The following ASAP3 variants were observed in gnomAD, a reference collection of about 807,000 sequenced individuals.
ASAP3 encodes ArfGAP with SH3 domain, ankyrin repeat and PH domain 3.
ASAP3 carries 85 observed loss-of-function variants against 118.2 expected under a neutral mutation model. That is an observed-to-expected ratio of 0.72 (90% CI 0.60 to 0.86). The LOEUF is 0.86. Among genes scored for constraint, ASAP3 ranks in the 40% least tolerant of loss-of-function variants. The pLI is 0.00. For missense variants in ASAP3, 1,026 were observed against 1,175.0 expected, an observed-to-expected ratio of 0.87 and a Z score of 1.85; for synonymous variants, 432 against 477.4, an observed-to-expected ratio of 0.90 and a Z score of 1.24.
intron 1 of ASAP3, among the ~76,000 whole-genome samples, chr1:23,473,554 T>G (rs953926870): frequency 3.3e-5 from 5 of 152,212 alleles, no homozygotes; most frequent in African/African-American, 1.2e-4. Context: ...GAGAATGATA[T>G]GATCAAATTG....
At chr1:23,475,754 T>G (rs980683095) in intron 1 of ASAP3, among the ~76,000 whole-genome samples, 1 of 152,178 alleles carries the variant, frequency 6.6e-6, no homozygotes, top group African/African-American at 2.4e-5. Flanking sequence ...GAGGATCACT[T>G]AAGCCCAAGA....
intron 17 of ASAP3, among the ~76,000 whole-genome samples, chr1:23,435,216 TG>T (rs370671226): frequency 7.9e-4 from 121 of 152,236 alleles, no homozygotes; most frequent in African/African-American, 2.8e-3. Context: ...GTTGTAGAGA[TG>T]GGGGTTTCCT....
chr1:23,430,597 C>A (rs559275473), intron 24 of ASAP3, among the ~76,000 whole-genome samples: 2 of 152,198 alleles, frequency 1.3e-5, no homozygotes, highest in Non-Finnish European at 2.9e-5. Flanking sequence ...AATCCTGCCT[C>A]TTCTGCAGGG....
chr1:23,452,805 G>A (rs779734788), intron 3 of ASAP3, 34 bp from the exon 4 acceptor site: 1 of 1,605,176 alleles, frequency 6.2e-7, no homozygotes, highest in Non-Finnish European at 8.5e-7. Context: ...TCCCGCCTCA[G>A]GTGACCGGCA....
In ASAP3 at chr1:23,484,116, G is replaced by A. The variant is rs1162175549; in HGVS notation, c.18C>T (p.Ser6=). 1.5e-6 allele frequency: 2 copies of A among 1,318,250 alleles called. No homozygotes were observed. Among genetic ancestry groups the A allele is most frequent in the Admixed American group, 3.8e-5 (1 of 26,328 alleles). 81.7% of individuals were successfully genotyped at this position (1,318,250 alleles called of 1,614,324 possible). The stretch of plus-strand genomic sequence containing the variant: ...CGGTGACGGCCAGGAACTCGGCGAC[G>A]CTGAACTGCTCCGGCATGGCGGGCG... The part of the protein sequence containing the change: MPEQF[S]VAEFLAVTAE... Residue 6 remains serine (S), a synonymous_variant, in exon 1 of 25, where the codon AGC becomes AGT. Coordinates refer to ENST00000336689, the MANE Select transcript of ASAP3 (RefSeq NM_017707.4).
intron 1 of ASAP3, among the ~76,000 whole-genome samples, chr1:23,477,945 A>T: frequency 6.6e-6 from 1 of 152,178 alleles, no homozygotes; most frequent in East Asian, 1.9e-4. Flanking sequence ...CAGGGCAGGG[A>T]CTGCATCTCT....
chr1:23,453,894 C>G (rs1641301350), intron 3 of ASAP3, among the ~76,000 whole-genome samples: 1 of 152,220 alleles, frequency 6.6e-6, no homozygotes, highest in Admixed American at 6.5e-5. Flanking sequence ...CAGTCTGACA[C>G]TTTCCTGTGT....
At chr1:23,471,540 C>T (rs1012784405) in intron 1 of ASAP3, among the ~76,000 whole-genome samples, 1 of 152,284 alleles carries the variant, frequency 6.6e-6, no homozygotes, top group East Asian at 1.9e-4. Context: ...TGAATACATA[C>T]TAGCAAGGCC....
At chr1:23,476,744 C>T (rs1642140388) in intron 1 of ASAP3, among the ~76,000 whole-genome samples, 2 of 152,230 alleles carry the variant, frequency 1.3e-5, no homozygotes, top group African/African-American at 4.8e-5. Flanking sequence ...AGTGCTTTTG[C>T]CCCTTGGGCC....
chr1:23,468,761 G>C (rs1403766392), intron 1 of ASAP3, among the ~76,000 whole-genome samples: 1 of 150,416 alleles, frequency 6.6e-6, no homozygotes, highest in Admixed American at 6.7e-5. Flanking sequence ...TGTAGTCCCA[G>C]CTACTTGGGA....
At position 23,432,804 on chromosome 1, in the gene ASAP3, C is replaced by T. The variant is rs186179158; in HGVS notation, c.2323+273G>A. Among the ~76,000 whole-genome samples the T allele has an allele frequency of 3.9e-5, 6 of 152,304 alleles. No homozygotes were observed. The East Asian group carries it at 1.2e-3, about 29-fold the overall frequency. ...CAGGATGAAGGGGATGCTCAATAAA[C>T]TCGTTTCTCTCTTGTTAAGTGGAGC... On this transcript the variant is annotated intron_variant, in intron 22 of 24. Coordinates refer to ENST00000336689, the MANE Select transcript of ASAP3 (RefSeq NM_017707.4).
intron 21 of ASAP3, 75 bp downstream of exon 21, chr1:23,433,350 G>A (rs1419976968): frequency 1.2e-5 from 20 of 1,612,284 alleles, no homozygotes; most frequent in South Asian, 5.5e-5. Flanking sequence ...CACCGCCCCC[G>A]CCAACACACA....
rs10664798 is a variant in ASAP3, at chr1:23,473,974, C to CTTTTTTTT, written c.129+10023_129+10030dup. On this transcript the variant is annotated intron_variant, in intron 1 of 24. Transcript: ENST00000336689. ...AGGCGAAAATGGCATTAAATCTGCT[C>CTTTTTTTT]TTTTTTTTTTTTTTTTTTTTTTTTG... 7.4e-3 allele frequency among the ~76,000 whole-genome samples: 533 copies of CTTTTTTTT among 72,076 alleles called. 99 individuals carry two copies. In the East Asian group the frequency reaches 0.093, roughly 13 times the overall value. The allele number at this position is 72,076 out of a possible 152,430, so 47.3% of individuals were successfully genotyped here.
At chr1:23,455,526 A>G (rs1045295491) in intron 3 of ASAP3, among the ~76,000 whole-genome samples, 7 of 152,162 alleles carry the variant, frequency 4.6e-5, no homozygotes, top group Non-Finnish European at 1.0e-4. Context: ...TGGTGGTGGC[A>G]GTGGCAGCAG....
intron 23 of ASAP3, among the ~76,000 whole-genome samples, 200 bp from the exon 24 acceptor site, chr1:23,431,325 C>T (rs950379858): frequency 6.6e-6 from 1 of 152,238 alleles, no homozygotes; most frequent in African/African-American, 2.4e-5. Context: ...TGCAGGTCTA[C>T]TTCTCCCCAA....
intron 1 of ASAP3, among the ~76,000 whole-genome samples, chr1:23,467,951 CAAAAAA>C (rs573411297): frequency 1.3e-4 from 7 of 52,464 alleles, no homozygotes; most frequent in African/African-American, 5.4e-4. Flanking sequence ...GACTCCGTCT[CAAAAAA>C]AAAAAAAAAA....
chr1:23,438,823 G>A lies in ASAP3; in HGVS notation c.1026C>T (p.Pro342=). The change falls in exon 12 of 25, where the codon CCC becomes CCT. Residue 342 remains proline, a synonymous_variant. Coordinates refer to ENST00000336689, the MANE Select transcript of ASAP3 (RefSeq NM_017707.4). The surrounding 1 kb of genome is among the most constrained non-coding windows in gnomAD (Gnocchi z 4.9). ...ACGTCAGCAGGGTCAGCTTCACCGG[G>A]GGCCGGTTTATCTGTGGGAATTTAG... ...LTISHSTINR[P]PVKLTLLTCQ... 6.2e-7 allele frequency: 1 copy of A among 1,614,180 alleles called. No homozygotes were observed. Among genetic ancestry groups the A allele is most frequent in the Non-Finnish European group, 8.5e-7 (1 of 1,180,034 alleles).
chr1:23,470,448 C>T (rs1455902430), intron 1 of ASAP3, among the ~76,000 whole-genome samples: 2 of 152,176 alleles, frequency 1.3e-5, no homozygotes, highest in Non-Finnish European at 2.9e-5. Context: ...TGCTTGCCAC[C>T]CCACAGCCCC....
At chr1:23,433,831 A>AG in intron 19 of ASAP3, 138 bp from the exon 20 acceptor site, 3 of 1,065,666 alleles carry the variant, frequency 2.8e-6, no homozygotes, top group Non-Finnish European at 2.7e-6. Flanking sequence ...GACCATAGGC[A>AG]AGTTATATAA....
Sources: gnomAD v4.1 joint callset for allele counts (sites outside exome capture counted in the v4.1 genomes callset) on GRCh38, gnomAD v4.1.1 for gene constraint, Gnocchi (gnomAD v3.1) non-coding constraint, MANE v1.5 for transcripts, NCBI Gene and HGNC (gene_info 2026-07-23, HGNC 2026-07-21) for gene names.